Variants in HNMT observed in about 807,000 individuals in gnomAD.
HNMT encodes the protein histamine N-methyltransferase.
HNMT carries 30 observed loss-of-function variants against 32.1 expected under a neutral mutation model. The ratio of observed to expected loss-of-function variants is 0.93; its 90% CI spans 0.70 to 1.27. The LOEUF (loss-of-function observed/expected upper bound fraction) is 1.27. HNMT is among the 50% of genes most tolerant of loss of function. HNMT has a pLI of 0.00. For synonymous variants in HNMT, 125 were observed against 119.0 expected, an observed-to-expected ratio of 1.05 and a Z score of -0.33; for missense variants, 327 against 346.0, an observed-to-expected ratio of 0.95 and a Z score of 0.43.
rs554608833 is a variant in HNMT, at chr2:137,978,840, G to A, written c.190+8623G>A. On this transcript the variant is annotated intron_variant, in intron 2 of 5. Transcript: ENST00000280097. ...TAATACTTTATAATTATGTAATATA[G>A]TATAATTATATAATTTAGTATTATA... 1.9e-3 allele frequency among the ~76,000 whole-genome samples: 262 copies of A among 136,848 alleles called. 2 individuals carry two copies. Among genetic ancestry groups the A allele is most frequent in the Admixed American group, 7.5e-3 (101 of 13,384 alleles). The allele number at this position is 136,848 out of a possible 152,430, so 89.8% of individuals were successfully genotyped here. A position where few individuals can be genotyped will look rare whatever the true frequency, so the allele number is the denominator to read the frequency against.
chr2:138,014,094 T>A lies in HNMT; in HGVS notation c.843T>A (p.Phe281Leu). The A allele has an allele frequency of 6.2e-7, 1 of 1,603,612 alleles. No individual in the cohort carries two copies. The highest frequency in any genetic ancestry group is 2.2e-5 in the East Asian group (1 of 44,708). Residue 281 changes from phenylalanine (F) to leucine (L), a missense_variant, in exon 6 of 6, where the codon TTT (phenylalanine) becomes TTA (leucine). By Grantham distance (22) the Phe-to-Leu change is conservative. Transcript: ENST00000280097. ...CTAAGAAAGAGGGGAAGGTTCTTTT[T>A]AATAATACTCTGAGTTTCATAGTGA... is the stretch of plus-strand genomic sequence containing the variant. ...FSAKKEGKVL[F>L]NNTLSFIVIE...
chr2:137,990,643 T>C (rs1680790373), intron 2 of HNMT, among the ~76,000 whole-genome samples: 1 of 152,196 alleles, frequency 6.6e-6, no homozygotes, highest in Non-Finnish European at 1.5e-5. Context: ...TAGAATACAA[T>C]GTCAAGGAAT....
intron 2 of HNMT, among the ~76,000 whole-genome samples, chr2:137,985,549 A>C (rs1326792210): frequency 6.6e-6 from 1 of 152,158 alleles, no homozygotes; most frequent in Non-Finnish European, 1.5e-5. Context: ...CCAAGTAACT[A>C]TCTTACTAGT....
At chr2:137,982,719 C>G (rs1179435208) in intron 2 of HNMT, among the ~76,000 whole-genome samples, 1 of 152,176 alleles carries the variant, frequency 6.6e-6, no homozygotes, top group African/African-American at 2.4e-5. Context: ...AGCCAGCTAG[C>G]TTCCAAAAAT....
intron 2 of HNMT, among the ~76,000 whole-genome samples, chr2:137,970,491 T>A (rs1468404352): frequency 6.6e-6 from 1 of 152,174 alleles, no homozygotes; most frequent in Non-Finnish European, 1.5e-5. Context: ...TAAGGATAAC[T>A]CTTATCCAAA....
chr2:138,015,126 A>G lies in HNMT; in HGVS notation c.*996A>G, dbSNP rs907201054. The G allele has an allele frequency of 2.0e-5, 3 of 152,106 alleles. No homozygotes were observed. The highest frequency in any genetic ancestry group is 4.8e-5 in the African/African-American group (2 of 41,454). The allele number at this position is 152,106 out of a possible 1,614,324, so 9.4% of individuals were successfully genotyped here. A position where few individuals can be genotyped will look rare whatever the true frequency, so the allele number is the denominator to read the frequency against. ...TCTTATGTCACTCTCAAGAACTCCT[A>G]TAAGACCAAGAGTCATCTTTGGACT... On this transcript the variant is annotated 3_prime_UTR_variant, in exon 6 of 6. Coordinates refer to ENST00000280097, the MANE Select transcript of HNMT (RefSeq NM_006895.3).
Position 137,967,176 on chromosome 2 carries a change from T to A in HNMT, c.137+2548T>A, listed in dbSNP as rs115798165. On this transcript the variant is annotated intron_variant, in intron 1 of 5. Coordinates refer to ENST00000280097, the MANE Select transcript of HNMT (RefSeq NM_006895.3). ...CTGTAATCCTAGCACTTCGGGAGGC[T>A]GAGGCGGGAGGATTACTTGAGCCTA... 5.1e-3 allele frequency: 3,917 copies of A among 761,768 alleles called. 93 individuals are homozygous for A. The African/African-American group carries it at 0.058, about 11-fold the overall frequency. 47.2% of individuals were successfully genotyped at this position (761,768 alleles called of 1,614,324 possible).
intron 2 of HNMT, chr2:137,981,321 G>T: frequency 4.3e-6 from 7 of 1,613,358 alleles, no homozygotes; most frequent in Non-Finnish European, 5.9e-6. Context: ...CATGATGAGC[G>T]CTCTTCTGAG....
intron 2 of HNMT, among the ~76,000 whole-genome samples, chr2:137,994,208 T>G (rs1680913215): frequency 1.3e-5 from 2 of 152,104 alleles, no homozygotes; most frequent in African/African-American, 4.8e-5. Flanking sequence ...ATGTCCCAAT[T>G]AAAAGACACA....
In HNMT at chr2:138,015,333, G is replaced by A. The variant is rs1681631289; in HGVS notation, c.*1203G>A. 6.6e-6 allele frequency: 1 copy of A among 152,062 alleles called. No homozygotes were observed. Among genetic ancestry groups the A allele is most frequent in the African/African-American group, 2.4e-5 (1 of 41,418 alleles). 9.4% of individuals were successfully genotyped at this position (152,062 alleles called of 1,614,324 possible). A position where few individuals can be genotyped will look rare whatever the true frequency, so the allele number is the denominator to read the frequency against. ...AGTAAGGTTTTACTAAACAGCTCAT[G>A]AGCCCTCATTCTGCCAGTGAGGAAG... On this transcript the variant is annotated 3_prime_UTR_variant, in exon 6 of 6. Transcript: ENST00000280097.
At chr2:138,005,438 T>C (rs530467990) in intron 5 of HNMT, among the ~76,000 whole-genome samples, 1 of 152,232 alleles carries the variant, frequency 6.6e-6, no homozygotes, top group African/African-American at 2.4e-5. Context: ...ATCTGTCTAC[T>C]TCTTTCTTTT....
intron 2 of HNMT, among the ~76,000 whole-genome samples, chr2:137,993,360 A>G (rs1680883952): frequency 6.6e-6 from 1 of 152,202 alleles, no homozygotes; most frequent in African/African-American, 2.4e-5. Flanking sequence ...AGGAGCATAA[A>G]CAACATGTTG....
At chr2:137,979,467 T>A (rs1188962954) in intron 2 of HNMT, among the ~76,000 whole-genome samples, 1 of 151,944 alleles carries the variant, frequency 6.6e-6, no homozygotes, top group African/African-American at 2.4e-5. Context: ...TTAGCCAAGA[T>A]GGTCTCGATC....
At chr2:137,987,718 C>T (rs992629688) in intron 2 of HNMT, among the ~76,000 whole-genome samples, 1 of 147,626 alleles carries the variant, frequency 6.8e-6, no homozygotes, top group Admixed American at 7.0e-5. Context: ...CAAATCAGCT[C>T]AGTTATTCAA....
chr2:137,965,546 T>G (rs1679931064), intron 1 of HNMT, among the ~76,000 whole-genome samples: 1 of 152,190 alleles, frequency 6.6e-6, no homozygotes, highest in Non-Finnish European at 1.5e-5. Context: ...ACATAAAATT[T>G]TATTTCCTTT....
chr2:138,014,209 A>G lies in HNMT; in HGVS notation c.*79A>G. On this transcript the variant is annotated 3_prime_UTR_variant, in exon 6 of 6. Transcript: ENST00000280097. ...TCATTTATTTCCATATTAAAATCAC[A>G]AACTCATCCATTAATGTAGATAAAG... 1 of 907,346 alleles carries G rather than the reference A, an allele frequency of 1.1e-6. No individual in the cohort carries two copies. 56.2% of individuals were successfully genotyped at this position (907,346 alleles called of 1,614,324 possible).
At chr2:138,011,190 T>C (rs2104990624) in intron 5 of HNMT, among the ~76,000 whole-genome samples, 1 of 152,116 alleles carries the variant, frequency 6.6e-6, no homozygotes, top group Non-Finnish European at 1.5e-5. Flanking sequence ...TGTTTGGTTC[T>C]TTTTTCTCTG....
chr2:137,996,814 C>A (rs1224736934), intron 2 of HNMT, among the ~76,000 whole-genome samples: 2 of 152,036 alleles, frequency 1.3e-5, no homozygotes, highest in East Asian at 3.9e-4. Context: ...GTACTGGTAC[C>A]AAAACAGATA....
At chr2:137,983,050 G>C (rs926739812) in intron 2 of HNMT, among the ~76,000 whole-genome samples, 1 of 152,134 alleles carries the variant, frequency 6.6e-6, no homozygotes, top group Non-Finnish European at 1.5e-5. Context: ...TTCCTGAAGC[G>C]CATGATTTTT....
Sources: allele counts gnomAD v4.1 joint callset (sites outside exome capture counted in the v4.1 genomes callset), GRCh38; gene constraint gnomAD v4.1.1; transcripts MANE v1.5; gene names NCBI Gene and HGNC (gene_info 2026-07-23, HGNC 2026-07-21).